The following SYT9 variants were observed in gnomAD, a reference collection of about 807,000 sequenced individuals.
The protein encoded by SYT9 is synaptotagmin-9.
SYT9 carries 22 observed loss-of-function variants against 48.4 expected under a neutral mutation model. That is an observed-to-expected ratio of 0.45 (90% CI 0.32 to 0.65). SYT9 has a LOEUF of 0.65. Among genes scored for constraint, SYT9 ranks in the 30% least tolerant of loss-of-function variants. The pLI, the probability that SYT9 is intolerant of heterozygous loss-of-function variation, is 0.03. For synonymous variants in SYT9, 265 were observed against 245.0 expected (o/e 1.08, Z -0.76); for missense variants, 577 against 622.0 (o/e 0.93, Z 0.77).
At chr11:7,323,115 AG>A (rs1047538718) in intron 3 of SYT9, among the ~76,000 whole-genome samples, 19 of 151,964 alleles carry the variant, frequency 1.3e-4, no homozygotes, top group African/African-American at 4.4e-4. Flanking sequence ...ATTAATTTTA[AG>A]TTTTTTTCTA....
chr11:7,264,746 C>T (rs1209767431), intron 1 of SYT9, among the ~76,000 whole-genome samples: 1 of 152,074 alleles, frequency 6.6e-6, no homozygotes, highest in African/African-American at 2.4e-5. Flanking sequence ...TGATTGAAGA[C>T]AGGAGCTCAA....
intron 3 of SYT9, among the ~76,000 whole-genome samples, chr11:7,330,545 G>T (rs967762766): frequency 6.6e-6 from 1 of 152,106 alleles, no homozygotes; most frequent in Non-Finnish European, 1.5e-5. Flanking sequence ...AAGAGTGACC[G>T]TCGAGTTTGA....
chr11:7,443,459 G>A (rs1421305182), intron 6 of SYT9, among the ~76,000 whole-genome samples: 1 of 152,240 alleles, frequency 6.6e-6, no homozygotes, highest in African/African-American at 2.4e-5. Flanking sequence ...GAACCACAGA[G>A]AGCACAGCCC....
At chr11:7,401,760 AT>A (rs1846897414) in intron 3 of SYT9, among the ~76,000 whole-genome samples, 3 of 151,510 alleles carry the variant, frequency 2.0e-5, no homozygotes, top group Non-Finnish European at 4.4e-5. Context: ...GATAATTAAT[AT>A]TTTCTCATTT....
intron 1 of SYT9, among the ~76,000 whole-genome samples, chr11:7,275,529 G>A (rs1363890724): frequency 6.6e-6 from 1 of 152,008 alleles, no homozygotes; most frequent in African/African-American, 2.4e-5. Flanking sequence ...CTTAAATGTT[G>A]GCATTTTTTA....
chr11:7,335,971 C>G (rs1461760813), intron 3 of SYT9, among the ~76,000 whole-genome samples: 1 of 152,126 alleles, frequency 6.6e-6, no homozygotes, highest in Non-Finnish European at 1.5e-5. Flanking sequence ...AGCATATAAG[C>G]ATTCTCTTTT....
At chr11:7,405,513 A>G (rs1379060881) in intron 3 of SYT9, among the ~76,000 whole-genome samples, 2 of 152,214 alleles carry the variant, frequency 1.3e-5, no homozygotes, top group Non-Finnish European at 2.9e-5. Flanking sequence ...CTCTTGTTCC[A>G]TATCCCAGCA....
rs761588573 is a variant in SYT9 at position 7,303,373 on chromosome 11, G to T, written c.480G>T (p.Glu160Asp). ...TCCGCGTGCAGCGCCAAGTCACAGAGCCAACCTCGTCGGCCCGGTCAGTAA... is the reference window on the plus strand; with the variant it reads ...TCCGCGTGCAGCGCCAAGTCACAGATCCAACCTCGTCGGCCCGGTCAGTAA... Reference protein sequence around the residue: ...HGVRVQRQVTEPTSSARHNSI... With the variant: ...HGVRVQRQVTDPTSSARHNSI... The change falls in exon 2 of 7, where the codon GAG becomes GAT. Residue 160 changes from glutamate to aspartate, a missense_variant. Physicochemically the swap from Glu to Asp is conservative, Grantham distance 45. Transcript: ENST00000318881. The T allele has an allele frequency of 2.5e-6, 4 of 1,609,226 alleles. No individual in the cohort carries two copies. In the East Asian group the frequency reaches 8.9e-5, roughly 36 times the overall value.
intron 3 of SYT9, among the ~76,000 whole-genome samples, chr11:7,371,311 GAAA>G (rs1850357399): frequency 4.6e-5 from 2 of 43,830 alleles, no homozygotes; most frequent in Non-Finnish European, 1.0e-4. Context: ...TTTACAACAT[GAAA>G]TGTTTCCTTC....
At chr11:7,343,726 T>C (rs549477895) in intron 3 of SYT9, among the ~76,000 whole-genome samples, 41 of 152,264 alleles carry the variant, frequency 2.7e-4, no homozygotes, top group Non-Finnish European at 5.3e-4. Context: ...CCAGTACCAA[T>C]TTACTGTATT....
intron 3 of SYT9, 112 bp downstream of exon 3, chr11:7,314,053 T>TGTAGCA: frequency 7.9e-7 from 1 of 1,260,832 alleles, no homozygotes; most frequent in South Asian, 1.4e-5. Context: ...TCAATGTACA[T>TGTAGCA]GTAGCAGTTA....
chr11:7,347,236 A>ATTTT lies in SYT9; in HGVS notation c.1044+33304_1044+33307dup, dbSNP rs33978026. On this transcript the variant is annotated intron_variant, in intron 3 of 6. Transcript: ENST00000318881. Reference sequence around the variant, plus strand: ...GCTTTCAAACCGTTTTCATCAAAATATTTTTTTTTTTTGAGATGAAGTCTC... The same window carrying ATTTT: ...GCTTTCAAACCGTTTTCATCAAAATATTTTTTTTTTTTTTTTGAGATGAAGTCTC... Among the ~76,000 whole-genome samples, 566 of 149,484 alleles carry ATTTT rather than the reference A, an allele frequency of 3.8e-3. 5 individuals carry two copies. The highest frequency in any genetic ancestry group is 0.013 in the African/African-American group (541 of 40,734).
intron 3 of SYT9, among the ~76,000 whole-genome samples, chr11:7,341,608 A>T (rs1275040364): frequency 6.6e-6 from 1 of 152,130 alleles, no homozygotes; most frequent in Non-Finnish European, 1.5e-5. Flanking sequence ...TTTCTTTATA[A>T]ATTACCCAGT....
chr11:7,452,862 A>G (rs1006297030), intron 6 of SYT9, among the ~76,000 whole-genome samples: 3 of 151,988 alleles, frequency 2.0e-5, no homozygotes, highest in Admixed American at 6.5e-5. Flanking sequence ...GGCTCACCAC[A>G]ACCTCCGCCT....
At chr11:7,359,000 C>A (rs189728568) in intron 3 of SYT9, among the ~76,000 whole-genome samples, 165 of 152,110 alleles carry the variant, frequency 1.1e-3, no homozygotes, top group African/African-American at 3.6e-3. Flanking sequence ...TTCCTCCCCC[C>A]TCCCCTCACC....
upstream of SYT9, among the ~76,000 whole-genome samples, chr11:7,251,119 CACACACACACACA>C (rs2119746617): frequency 6.7e-6 from 1 of 150,328 alleles, no homozygotes; most frequent in Non-Finnish European, 1.5e-5. Context: ...CACACACACA[CACACACACACACA>C]CCCAGAGTAC....
At chr11:7,272,541 A>G (rs762873059) in intron 1 of SYT9, among the ~76,000 whole-genome samples, 14 of 152,002 alleles carry the variant, frequency 9.2e-5, no homozygotes, top group Non-Finnish European at 1.8e-4. Context: ...CTATTCACTC[A>G]TCACGTTTAA....
At chr11:7,453,931 C>T in intron 6 of SYT9, 1 of 940,708 alleles carries the variant, frequency 1.1e-6, no homozygotes, top group Non-Finnish European at 1.3e-6. Context: ...TCCTCAGGAG[C>T]ACCAGGGAAG....
intron 2 of SYT9, among the ~76,000 whole-genome samples, chr11:7,311,294 A>G (rs1327395830): frequency 1.3e-5 from 2 of 152,206 alleles, no homozygotes; most frequent in African/African-American, 2.4e-5. Context: ...CAACAGTGAC[A>G]CTTCATCTAA....
Sources: gnomAD v4.1 joint callset for allele counts (sites outside exome capture counted in the v4.1 genomes callset) on GRCh38, gnomAD v4.1.1 for gene constraint, MANE v1.5 for transcripts, NCBI Gene and HGNC (gene_info 2026-07-23, HGNC 2026-07-21) for gene names.